ABCA13: variants seen among roughly 807,000 people sequenced by gnomAD.
ABCA13 encodes ATP binding cassette subfamily A member 13, also known as ATP-binding cassette sub-family A member 13.
Under a neutral mutation model 478.7 loss-of-function variants are expected in ABCA13, and 476 were observed. The ratio of observed to expected loss-of-function variants is 0.99; its 90% CI spans 0.92 to 1.07. The LOEUF is 1.07. ABCA13 is among the 50% of genes least tolerant of loss of function. The probability of loss-of-function intolerance (pLI) is 0.00; values close to 1 mark genes in which losing one functional copy is unlikely to be tolerated. For missense variants in ABCA13, 6,060 were observed against 5,910.6 expected (o/e 1.03, Z -0.83); for synonymous variants, 2,252 against 2,158.9 (o/e 1.04, Z -1.20).
intron 35 of ABCA13, among the ~76,000 whole-genome samples, chr7:48,380,681 C>T (rs1814210807): frequency 6.6e-6 from 1 of 152,200 alleles, no homozygotes; most frequent in African/African-American, 2.4e-5. Flanking sequence ...ATTGTACCAT[C>T]CCCATTGTAT....
In ABCA13 at chr7:48,358,166, A is replaced by AAGGACAGGACAGGAC. The variant is rs377040023; in HGVS notation, c.10688+5699_10688+5713dup. 7.9e-3 allele frequency among the ~76,000 whole-genome samples: 1,066 copies of AAGGACAGGACAGGAC among 135,670 alleles called. 24 individuals carry two copies. Among genetic ancestry groups the AAGGACAGGACAGGAC allele is most frequent in the African/African-American group, 0.027 (928 of 35,004 alleles). 89.0% of individuals were successfully genotyped at this position (135,670 alleles called of 152,430 possible). Reference sequence around the variant, plus strand: ...CAAAGAAAAGAAAAGAAAAAAAAGAAAGGACAGGACAGGACAGGACAGGAC... The same window carrying AAGGACAGGACAGGAC: ...CAAAGAAAAGAAAAGAAAAAAAAGAAAGGACAGGACAGGACAGGACAGGACAGGACAGGACAGGAC... On this transcript the variant is annotated intron_variant, in intron 31 of 61. Transcript: ENST00000435803.
chr7:48,580,816 G>A (rs1198248240), intron 56 of ABCA13, among the ~76,000 whole-genome samples: 1 of 152,080 alleles, frequency 6.6e-6, no homozygotes, highest in Non-Finnish European at 1.5e-5. Context: ...TGATGAGTGG[G>A]CGGACAGATT....
At chr7:48,583,922 G>A (rs372955087) in intron 56 of ABCA13, among the ~76,000 whole-genome samples, 5 of 152,122 alleles carry the variant, frequency 3.3e-5, no homozygotes, top group African/African-American at 9.7e-5. Context: ...TGTATACTCT[G>A]GAATCTTTCC....
At chr7:48,410,802 G>A in intron 40 of ABCA13, 125 bp downstream of exon 40, 1 of 1,342,450 alleles carries the variant, frequency 7.4e-7, no homozygotes, top group Non-Finnish European at 1.0e-6. Context: ...TGGCCCACAT[G>A]CCAAAATAAG....
chr7:48,630,095 G>T lies in ABCA13; in HGVS notation c.14838-13193G>T, dbSNP rs116284876. On this transcript the variant is annotated intron_variant, in intron 59 of 61. Transcript: ENST00000435803. ...GTTTTGAAAATCTTTTTTGTTTTTG[G>T]ATTACTACTCTAAATATTTTATATA... is the stretch of plus-strand genomic sequence containing the variant. Among the ~76,000 whole-genome samples, 1,316 of 151,562 alleles carry T rather than the reference G, an allele frequency of 8.7e-3. 19 individuals carry two copies. Among genetic ancestry groups the T allele is most frequent in the African/African-American group, 0.03 (1,227 of 41,318 alleles).
intron 59 of ABCA13, among the ~76,000 whole-genome samples, chr7:48,638,004 T>C (rs138292904): frequency 1.7e-3 from 253 of 152,268 alleles, no homozygotes; most frequent in Non-Finnish European, 2.9e-3. Context: ...TACACCTGCA[T>C]GTACACAGGA....
At chr7:48,642,903 A>T (rs1795198643) in intron 59 of ABCA13, among the ~76,000 whole-genome samples, 1 of 152,166 alleles carries the variant, frequency 6.6e-6, no homozygotes, top group African/African-American at 2.4e-5. Context: ...GCCAAATTTT[A>T]ATCAGTACAG....
chr7:48,218,976 C>A (rs1051389220), intron 3 of ABCA13, among the ~76,000 whole-genome samples: 3 of 152,196 alleles, frequency 2.0e-5, no homozygotes, highest in African/African-American at 7.2e-5. Flanking sequence ...GTAATTATCT[C>A]TGTCTCCTCC....
At chr7:48,634,497 T>A (rs1247695782) in intron 59 of ABCA13, among the ~76,000 whole-genome samples, 1 of 152,220 alleles carries the variant, frequency 6.6e-6, no homozygotes, top group Non-Finnish European at 1.5e-5. Context: ...TCTCTCTTTT[T>A]TTCTTGGTCA....
intron 42 of ABCA13, among the ~76,000 whole-genome samples, chr7:48,444,599 T>C (rs1824039454): frequency 6.6e-6 from 1 of 152,166 alleles, no homozygotes; most frequent in African/African-American, 2.4e-5. Context: ...TCTACCATGC[T>C]CAGGCAGTCC....
At chr7:48,544,093 T>C (rs1277820620) in intron 55 of ABCA13, among the ~76,000 whole-genome samples, 1 of 151,566 alleles carries the variant, frequency 6.6e-6, no homozygotes, top group South Asian at 2.1e-4. Context: ...ATTAAATATA[T>C]TAAAATGGAA....
chr7:48,564,020 A>G (rs67748204), intron 55 of ABCA13, among the ~76,000 whole-genome samples: 21,071 of 151,894 alleles, frequency 0.14, 1,837 homozygotes, highest in African/African-American at 0.23. Flanking sequence ...CTAACTCCAC[A>G]TGTCATCTCC....
chr7:48,453,062 T>C (rs983744161), intron 42 of ABCA13, among the ~76,000 whole-genome samples: 8 of 152,200 alleles, frequency 5.3e-5, no homozygotes, highest in Non-Finnish European at 1.0e-4. Context: ...CATACTTTTT[T>C]CCTAGCAATA....
intron 38 of ABCA13, among the ~76,000 whole-genome samples, chr7:48,400,128 A>T (rs934849192): frequency 6.6e-6 from 1 of 150,896 alleles, no homozygotes; most frequent in African/African-American, 2.4e-5. Flanking sequence ...TTCATATGCC[A>T]CTGTCTCTGG....
At chr7:48,243,195 C>T (rs1439125034) in intron 10 of ABCA13, 1 of 152,258 alleles carries the variant, frequency 6.6e-6, no homozygotes. Flanking sequence ...GGAATAGTCC[C>T]TAGGGTCTGG....
intron 38 of ABCA13, among the ~76,000 whole-genome samples, chr7:48,395,618 T>G (rs1035490560): frequency 1.3e-5 from 2 of 152,134 alleles, no homozygotes; most frequent in Non-Finnish European, 2.9e-5. Context: ...TTCCTCCTCC[T>G]CCTCCTCAGC....
intron 55 of ABCA13, among the ~76,000 whole-genome samples, chr7:48,572,632 C>A (rs1787780423): frequency 1.3e-5 from 2 of 151,984 alleles, no homozygotes; most frequent in African/African-American, 4.8e-5. Flanking sequence ...TTTTATATAT[C>A]ACTTGATTTA....
chr7:48,512,905 C>G (rs769575582), intron 51 of ABCA13, among the ~76,000 whole-genome samples: 4 of 152,156 alleles, frequency 2.6e-5, no homozygotes, highest in Admixed American at 6.5e-5. Flanking sequence ...TAACTCAGAC[C>G]GTGTTTGTAA....
intron 56 of ABCA13, among the ~76,000 whole-genome samples, chr7:48,585,070 A>G (rs1011891148): frequency 6.6e-6 from 1 of 152,120 alleles, no homozygotes; most frequent in Non-Finnish European, 1.5e-5. Context: ...CTTCTGTGAG[A>G]AAAATTTGGA....
Sources: allele counts gnomAD v4.1 joint callset (sites outside exome capture counted in the v4.1 genomes callset), GRCh38; gene constraint gnomAD v4.1.1; transcripts MANE v1.5; gene names NCBI Gene and HGNC (gene_info 2026-07-23, HGNC 2026-07-21).